The following TENM2 variants were observed in gnomAD, a reference collection of about 807,000 sequenced individuals.
The protein encoded by TENM2 is teneurin transmembrane protein 2, also known as teneurin-2.
A neutral mutation model predicts 245.2 loss-of-function variants in TENM2; 52 were observed. The ratio of observed to expected loss-of-function variants is 0.21; its 90% CI spans 0.17 to 0.27. TENM2 has a LOEUF of 0.27. Among genes scored for constraint, TENM2 ranks in the 10% least tolerant of loss-of-function variants. The pLI is 1.00. For missense variants in TENM2, 3,046 were observed against 3,666.8 expected (o/e 0.83, Z 4.37); for synonymous variants, 1,363 against 1,438.9 (o/e 0.95, Z 1.19).
intron 2 of TENM2, among the ~76,000 whole-genome samples, chr5:167,586,879 C>G (rs1322074746): frequency 6.6e-6 from 1 of 152,022 alleles, no homozygotes; most frequent in Admixed American, 6.6e-5. Context: ...AAAAAATAGA[C>G]CTTTGACTTT....
At chr5:168,208,998 A>C (rs1762587218) in intron 19 of TENM2, among the ~76,000 whole-genome samples, 1 of 152,182 alleles carries the variant, frequency 6.6e-6, no homozygotes, top group African/African-American at 2.4e-5. Context: ...TCCATGATAC[A>C]TGTTTTTCTA....
intron 2 of TENM2, among the ~76,000 whole-genome samples, chr5:167,670,861 G>T (rs1035204253): frequency 8.6e-5 from 13 of 152,026 alleles, no homozygotes; most frequent in South Asian, 2.1e-4. Flanking sequence ...TCCCCATTCA[G>T]TTCATCCTTG....
Position 168,165,659 on chromosome 5 carries a change from C to G in TENM2, c.2569+2902C>G, listed in dbSNP as rs1182304678. On this transcript the variant is annotated intron_variant, in intron 13 of 28. Coordinates refer to ENST00000518659, the Ensembl canonical transcript of TENM2. Reference sequence around the variant, plus strand: ...GGATCCCCCCCCCAACCCCCCCCCCCCCCCCGGCTGGCAGAGACAAAGCAG... The same window carrying G: ...GGATCCCCCCCCCAACCCCCCCCCCGCCCCCGGCTGGCAGAGACAAAGCAG... Among the ~76,000 whole-genome samples the G allele has an allele frequency of 1.0e-3, 97 of 95,236 alleles. 4 individuals are homozygous for G. The highest frequency in any genetic ancestry group is 2.1e-3 in the African/African-American group (53 of 25,402). 62.5% of individuals were successfully genotyped at this position (95,236 alleles called of 152,430 possible).
chr5:167,012,372 C>A, the TENM2 span, among the ~76,000 whole-genome samples: 3 of 152,164 alleles, frequency 2.0e-5, no homozygotes, highest in Non-Finnish European at 2.9e-5. Flanking sequence ...GCTCTTGGAG[C>A]TCATTTTCTA....
At chr5:167,642,166 A>C (rs1459499649) in intron 2 of TENM2, among the ~76,000 whole-genome samples, 1 of 150,040 alleles carries the variant, frequency 6.7e-6, no homozygotes, top group African/African-American at 2.5e-5. Flanking sequence ...ATATGTATAT[A>C]TATATATAAA....
chr5:167,227,784 G>A, the TENM2 span, among the ~76,000 whole-genome samples: 31,479 of 152,000 alleles, frequency 0.21, 3,809 homozygotes, highest in African/African-American at 0.33. Flanking sequence ...TGCTGTATCT[G>A]GATGTCTAAA....
intron 4 of TENM2, among the ~76,000 whole-genome samples, chr5:167,962,932 CA>C (rs1312023971): frequency 2.0e-5 from 3 of 152,144 alleles, no homozygotes; most frequent in Non-Finnish European, 4.4e-5. Flanking sequence ...CTCTTATTAG[CA>C]AATATTTATT....
At chr5:167,753,839 AACAG>A in intron 2 of TENM2, among the ~76,000 whole-genome samples, 1 of 152,256 alleles carries the variant, frequency 6.6e-6, no homozygotes, top group East Asian at 1.9e-4. Context: ...CATGGTGCAT[AACAG>A]ACAGATTCTG....
chr5:167,575,978 G>A (rs116604195), intron 2 of TENM2, among the ~76,000 whole-genome samples: 363 of 152,232 alleles, frequency 2.4e-3, no homozygotes, highest in African/African-American at 8.2e-3. Flanking sequence ...TGATAATGAT[G>A]ATTATTTCTC....
At chr5:168,257,281 TG>T (rs1390616698) in intron 27 of TENM2, among the ~76,000 whole-genome samples, 1 of 113,674 alleles carries the variant, frequency 8.8e-6, no homozygotes, top group Non-Finnish European at 1.8e-5. Flanking sequence ...GAGGTGGGGA[TG>T]GGGGGTGGCA....
At chr5:167,615,357 T>C (rs1777726916) in intron 2 of TENM2, among the ~76,000 whole-genome samples, 2 of 152,090 alleles carry the variant, frequency 1.3e-5, no homozygotes, top group African/African-American at 4.8e-5. Flanking sequence ...AGAATGCAGG[T>C]GTTATTTCTG....
chr5:167,125,403 G>T, the TENM2 span, among the ~76,000 whole-genome samples: 4 of 152,194 alleles, frequency 2.6e-5, no homozygotes, highest in East Asian at 1.9e-4. Flanking sequence ...GGAGTCTAAG[G>T]TTCAGGCAAG....
intron 2 of TENM2, among the ~76,000 whole-genome samples, chr5:167,678,249 A>T (rs1416871301): frequency 6.6e-6 from 1 of 152,124 alleles, no homozygotes; most frequent in Non-Finnish European, 1.5e-5. Flanking sequence ...TCTACGATTA[A>T]CATATGTTAT....
At chr5:167,374,119 A>T (rs1026026074) in intron 1 of TENM2, among the ~76,000 whole-genome samples, 2 of 152,206 alleles carry the variant, frequency 1.3e-5, no homozygotes, top group African/African-American at 4.8e-5. Flanking sequence ...GACACATTAC[A>T]TATACATACC....
At chr5:168,225,186 G>GA (rs1327392750) in intron 23 of TENM2, among the ~76,000 whole-genome samples, 2 of 152,116 alleles carry the variant, frequency 1.3e-5, no homozygotes, top group African/African-American at 2.4e-5. Flanking sequence ...GTTTAGTGGG[G>GA]ACCAAAGAAC....
intron 23 of TENM2, among the ~76,000 whole-genome samples, chr5:168,219,824 C>CAAAAAAAAAAAAAA (rs70976468): frequency 1.2e-4 from 6 of 49,818 alleles, no homozygotes; most frequent in African/African-American, 5.4e-4. Flanking sequence ...GTTGGCACAG[C>CAAAAAAAAAAAAAA]AAAAAAAAAA....
chr5:167,961,643 C>T (rs575146762), intron 4 of TENM2, among the ~76,000 whole-genome samples: 87 of 152,192 alleles, frequency 5.7e-4, no homozygotes, highest in African/African-American at 1.8e-3. Context: ...TAATGCTTTA[C>T]GTGCATTATC....
chr5:167,766,677 G>A (rs2150740615), intron 2 of TENM2, among the ~76,000 whole-genome samples: 1 of 152,230 alleles, frequency 6.6e-6, no homozygotes, highest in East Asian at 1.9e-4. Context: ...AGGAGTTCGA[G>A]ACCAGCCTGG....
intron 1 of TENM2, among the ~76,000 whole-genome samples, chr5:167,304,328 C>G (rs1437394312): frequency 6.6e-6 from 1 of 152,182 alleles, no homozygotes; most frequent in African/African-American, 2.4e-5. Context: ...TTCCTTGTCT[C>G]TGCCACTGTT....
Sources: allele counts gnomAD v4.1 joint callset (sites outside exome capture counted in the v4.1 genomes callset), GRCh38; gene constraint gnomAD v4.1.1; transcripts MANE v1.5; gene names NCBI Gene and HGNC (gene_info 2026-07-23, HGNC 2026-07-21).